The following RBMS3 variants were observed in gnomAD, a reference collection of about 807,000 sequenced individuals.
RBMS3 encodes the protein RNA binding motif single stranded interacting protein 3.
RBMS3 carries 27 observed loss-of-function variants against 66.8 expected under a neutral mutation model. The ratio of observed to expected loss-of-function variants is 0.40; its 90% CI spans 0.30 to 0.56. The LOEUF is 0.56. Ranked by LOEUF, RBMS3 falls within the 20% of genes least tolerant of loss-of-function variation. RBMS3 has a pLI of 0.40. For synonymous variants in RBMS3, 188 were observed against 183.0 expected, an observed-to-expected ratio of 1.03 and a Z score of -0.22; for missense variants, 513 against 549.5, an observed-to-expected ratio of 0.93 and a Z score of 0.66.
intron 6 of RBMS3, among the ~76,000 whole-genome samples, chr3:29,783,418 A>G (rs1009791868): frequency 2.6e-5 from 4 of 152,164 alleles, no homozygotes; most frequent in African/African-American, 9.7e-5. Context: ...CAAAACAATT[A>G]TCAGCCAAGA....
chr3:29,402,725 A>G (rs1281342936), intron 1 of RBMS3, among the ~76,000 whole-genome samples: 1 of 152,028 alleles, frequency 6.6e-6, no homozygotes, highest in Non-Finnish European at 1.5e-5. Flanking sequence ...ATTGATATAG[A>G]ACTAGTATTA....
intron 7 of RBMS3, 121 bp downstream of exon 7, chr3:29,869,085 A>G (rs936269923): frequency 4.0e-6 from 3 of 751,230 alleles, no homozygotes; most frequent in African/African-American, 3.6e-5. Context: ...AATGTCTTCA[A>G]AGGGGCAAAT....
intron 3 of RBMS3, among the ~76,000 whole-genome samples, chr3:29,560,042 C>T (rs2046494751): frequency 1.3e-5 from 2 of 152,128 alleles, no homozygotes; most frequent in Non-Finnish European, 2.9e-5. Context: ...AATCACTTGT[C>T]ATAGATGATT....
At chr3:29,919,174 G>A (rs1194851284) in intron 10 of RBMS3, among the ~76,000 whole-genome samples, 1 of 151,934 alleles carries the variant, frequency 6.6e-6, no homozygotes, top group African/African-American at 2.4e-5. Context: ...GCCAAACACA[G>A]ACCTTATAAT....
chr3:29,924,987 T>C (rs914904733), intron 10 of RBMS3: 1 of 152,116 alleles, frequency 6.6e-6, no homozygotes, highest in Non-Finnish European at 1.5e-5. Context: ...TTTGTTATTC[T>C]GAGAATCGAG....
intron 1 of RBMS3, among the ~76,000 whole-genome samples, chr3:29,425,431 A>G (rs2040918241): frequency 1.3e-5 from 2 of 151,814 alleles, no homozygotes; most frequent in South Asian, 4.2e-4. Context: ...ATTTTAGGGA[A>G]ATAGAGTATT....
intron 10 of RBMS3, chr3:29,925,331 C>G (rs2060908559): frequency 6.6e-6 from 1 of 152,026 alleles, no homozygotes; most frequent in African/African-American, 2.4e-5. Flanking sequence ...GCTTGGCTGT[C>G]ATAGCTATTT....
chr3:29,912,006 A>ATAGATAG (rs1559793294), intron 10 of RBMS3, among the ~76,000 whole-genome samples: 3 of 148,972 alleles, frequency 2.0e-5, no homozygotes, highest in African/African-American at 7.8e-5. Context: ...TAGATAGATA[A>ATAGATAG]ATAGATGATA....
At chr3:29,658,787 T>G (rs2050416931) in intron 4 of RBMS3, among the ~76,000 whole-genome samples, 1 of 152,178 alleles carries the variant, frequency 6.6e-6, no homozygotes, top group African/African-American at 2.4e-5. Context: ...ACATTCTGAT[T>G]TCTTATTTAT....
chr3:29,639,626 T>C (rs537453552), intron 4 of RBMS3, among the ~76,000 whole-genome samples: 80 of 119,660 alleles, frequency 6.7e-4, no homozygotes, highest in Admixed American at 1.7e-3. Flanking sequence ...AGAGAGAGAA[T>C]GATCAGAATG....
At chr3:29,716,788 A>T (rs938430500) in intron 4 of RBMS3, among the ~76,000 whole-genome samples, 4 of 152,068 alleles carry the variant, frequency 2.6e-5, no homozygotes, top group Admixed American at 2.0e-4. Context: ...ACTTACGCTG[A>T]TAGATTCTGG....
chr3:29,876,938 A>G (rs2059622507), intron 7 of RBMS3, among the ~76,000 whole-genome samples: 2 of 152,318 alleles, frequency 1.3e-5, no homozygotes, highest in South Asian at 4.1e-4. Flanking sequence ...AAGGAGGACC[A>G]TAATGTGGTC....
At chr3:29,675,703 A>G (rs2051218027) in intron 4 of RBMS3, among the ~76,000 whole-genome samples, 1 of 152,228 alleles carries the variant, frequency 6.6e-6, no homozygotes, top group Non-Finnish European at 1.5e-5. Context: ...GTCTTCAGAG[A>G]AATGCGAATC....
Position 29,798,929 on chromosome 3 carries a change from G to GTTT in RBMS3, c.637+35957_637+35959dup, listed in dbSNP as rs368923260. Among the ~76,000 whole-genome samples the GTTT allele has an allele frequency of 4.5e-3, 572 of 127,650 alleles. 17 individuals carry two copies. The highest frequency in any genetic ancestry group is 0.014 in the African/African-American group (490 of 33,972). 83.7% of individuals were successfully genotyped at this position (127,650 alleles called of 152,430 possible). A position where few individuals can be genotyped will look rare whatever the true frequency, so the allele number is the denominator to read the frequency against. On this transcript the variant is annotated intron_variant, in intron 6 of 14. Transcript: ENST00000383767. ...CAATTGTAATGATTTGTACCCTCTG[G>GTTT]TTTTTTTTTTTTTTTTTTTGTAATC... is the stretch of plus-strand genomic sequence containing the variant.
intron 2 of RBMS3, among the ~76,000 whole-genome samples, chr3:29,443,266 C>T (rs975145866): frequency 2.0e-5 from 3 of 152,050 alleles, no homozygotes; most frequent in Admixed American, 6.6e-5. Flanking sequence ...CCCAATAGCT[C>T]GTCTGCTTCA....
chr3:29,643,748 A>G (rs1411953567), intron 4 of RBMS3, among the ~76,000 whole-genome samples: 1 of 152,132 alleles, frequency 6.6e-6, no homozygotes, highest in Admixed American at 6.6e-5. Context: ...AAGGCCGGAG[A>G]AAAGAGACAG....
At chr3:29,440,622 G>T (rs1205714211) in intron 2 of RBMS3, among the ~76,000 whole-genome samples, 1 of 152,160 alleles carries the variant, frequency 6.6e-6, no homozygotes, top group Non-Finnish European at 1.5e-5. Context: ...TAAAAAGAGA[G>T]GGGAAACACC....
At chr3:29,318,676 C>A (rs535753385) in intron 1 of RBMS3, among the ~76,000 whole-genome samples, 3 of 151,874 alleles carry the variant, frequency 2.0e-5, no homozygotes, top group African/African-American at 4.8e-5. Flanking sequence ...TTTCCTTTGA[C>A]GTTTAATTAA....
chr3:29,847,431 A>C (rs554207631), intron 6 of RBMS3, among the ~76,000 whole-genome samples: 1 of 152,188 alleles, frequency 6.6e-6, no homozygotes, highest in Non-Finnish European at 1.5e-5. Context: ...TGGCAGCTAA[A>C]GGCCTGTTAT....
Sources: gnomAD v4.1 joint callset for allele counts (sites outside exome capture counted in the v4.1 genomes callset) on GRCh38, gnomAD v4.1.1 for gene constraint, MANE v1.5 for transcripts, NCBI Gene and HGNC (gene_info 2026-07-23, HGNC 2026-07-21) for gene names.